VAX2: variants seen among roughly 807,000 people sequenced by gnomAD.
VAX2 encodes the protein ventral anterior homeobox 2.
VAX2 carries 8 observed loss-of-function variants against 12.5 expected under a neutral mutation model. That is an observed-to-expected ratio of 0.64 (90% CI 0.37 to 1.15). The LOEUF is 1.15. Ranked by LOEUF, VAX2 falls within the 50% of genes most tolerant of loss-of-function variation. The probability of loss-of-function intolerance (pLI) is 0.01; values close to 1 mark genes in which losing one functional copy is unlikely to be tolerated. For missense variants in VAX2, 476 were observed against 412.9 expected (o/e 1.15, Z -1.32); for synonymous variants, 183 against 187.6 (o/e 0.98, Z 0.20).
intron 2 of VAX2, among the ~76,000 whole-genome samples, chr2:70,921,618 A>G (rs1278635535): frequency 6.6e-6 from 1 of 152,024 alleles, no homozygotes; most frequent in Non-Finnish European, 1.5e-5. Flanking sequence ...GAGGAGTGAC[A>G]AGAAGGGATG....
At chr2:70,902,479 A>G (rs140392612) in intron 1 of VAX2, among the ~76,000 whole-genome samples, 16 of 152,332 alleles carry the variant, frequency 1.1e-4, no homozygotes, top group African/African-American at 3.8e-4. Context: ...CATTAAAAAT[A>G]TCTGTAGGAC....
Position 70,933,018 on chromosome 2 carries a change from C to T in VAX2, c.687C>T (p.Leu229=). Residue 229 remains leucine, a synonymous_variant, in exon 3 of 3, where the codon CTC becomes CTT. Coordinates refer to ENST00000234392, the MANE Select transcript of VAX2 (RefSeq NM_012476.3). Reference sequence around the variant, plus strand: ...ACCCCAGGAACTCCTCCCCACGCCTCAACCCGCTGTCCTCGGCCTCAGCGT... The same window carrying T: ...ACCCCAGGAACTCCTCCCCACGCCTTAACCCGCTGTCCTCGGCCTCAGCGT... ...LGDPRNSSPR[L]NPLSSASASP... 6.3e-7 allele frequency: 1 copy of T among 1,598,710 alleles called. No homozygotes were observed. The highest frequency in any genetic ancestry group is 8.5e-7 in the Non-Finnish European group (1 of 1,171,820).
intron 1 of VAX2, among the ~76,000 whole-genome samples, chr2:70,906,920 A>T (rs1279467029): frequency 2.0e-5 from 3 of 152,218 alleles, no homozygotes; most frequent in African/African-American, 7.2e-5. Context: ...GGAGGTGGTC[A>T]CTGTGCCCAC....
intron 2 of VAX2, among the ~76,000 whole-genome samples, chr2:70,931,242 C>A (rs1377750684): frequency 6.6e-6 from 1 of 152,206 alleles, no homozygotes; most frequent in Non-Finnish European, 1.5e-5. Context: ...TGCCTCCTCT[C>A]AGAGGCCCTG....
intron 2 of VAX2, among the ~76,000 whole-genome samples, chr2:70,926,696 T>TAA (rs2104783198): frequency 6.6e-6 from 1 of 152,216 alleles, no homozygotes; most frequent in East Asian, 1.9e-4. Context: ...TGCACAGTGA[T>TAA]GTCTGAGAAT....
chr2:70,926,352 A>G (rs539849352), intron 2 of VAX2, among the ~76,000 whole-genome samples: 59 of 152,274 alleles, frequency 3.9e-4, no homozygotes, highest in African/African-American at 1.3e-3. Context: ...TCTCAAGACT[A>G]TCAAAAGAAC....
At position 70,915,251 on chromosome 2, in the gene VAX2, T is replaced by G. The variant is rs571794288; in HGVS notation, c.248-5847T>G. On this transcript the variant is annotated intron_variant, in intron 1 of 2. Transcript: ENST00000234392. ...CAGCCTCCAGTTTTTTTGCTGTTTG[T>G]TTTTTGTTTTTTTTGAGACCGAGTC... 1.7e-3 allele frequency among the ~76,000 whole-genome samples: 198 copies of G among 115,050 alleles called. 1 individual carries two copies. Among genetic ancestry groups the G allele is most frequent in the African/African-American group, 7.1e-3 (194 of 27,430 alleles). The allele number at this position is 115,050 out of a possible 152,430, so 75.5% of individuals were successfully genotyped here. A position where few individuals can be genotyped will look rare whatever the true frequency, so the allele number is the denominator to read the frequency against.
In VAX2 at chr2:70,933,122, T is replaced by C; in HGVS notation, c.791T>C (p.Leu264Pro). Residue 264 changes from leucine to proline, a missense_variant, in exon 3 of 3, where the codon CTG (leucine) becomes CCG (proline). Coordinates refer to ENST00000234392, the MANE Select transcript of VAX2 (RefSeq NM_012476.3). Reference protein sequence around the residue: ...PLLDLPAGYELGSSAFEPYSW... With the variant: ...PLLDLPAGYEPGSSAFEPYSW... ...CTGGATCTGCCTGCCGGCTACGAAC[T>C]GGGTTCCTCGGCCTTCGAGCCATAC... 6.2e-7 allele frequency: 1 copy of C among 1,607,164 alleles called. No homozygotes were observed. The highest frequency in any genetic ancestry group is 8.5e-7 in the Non-Finnish European group (1 of 1,177,236).
chr2:70,912,535 G>A (rs923245394), intron 1 of VAX2, among the ~76,000 whole-genome samples: 6 of 152,072 alleles, frequency 3.9e-5, no homozygotes, highest in East Asian at 1.9e-4. Context: ...GGTGGTGGGC[G>A]CCTGTAATCC....
chr2:70,932,727 G>T (rs1553414499), intron 2 of VAX2, 40 bp from the exon 3 acceptor site: 3 of 1,365,296 alleles, frequency 2.2e-6, no homozygotes, highest in Non-Finnish European at 2.9e-6. Flanking sequence ...TGCTTTGCCT[G>T]TCCCATCTCC....
intron 1 of VAX2, among the ~76,000 whole-genome samples, chr2:70,916,404 G>GT (rs1679306055): frequency 6.6e-6 from 1 of 151,718 alleles, no homozygotes; most frequent in Non-Finnish European, 1.5e-5. Context: ...CTGTTTTTTT[G>GT]TTTTTTGTAT....
At chr2:70,928,832 T>A (rs781999267) in intron 2 of VAX2, among the ~76,000 whole-genome samples, 7 of 152,240 alleles carry the variant, frequency 4.6e-5, no homozygotes, top group Non-Finnish European at 8.8e-5. Context: ...AAATAACTAT[T>A]CACATTTCCT....
rs530582149 is a variant in VAX2 at position 70,931,589 on chromosome 2, C to A, written c.436-1178C>A. The stretch of plus-strand genomic sequence containing the variant: ...CCTACGGAATGAGGACTCTGCAAAG[C>A]CAAGGGGTCTCGCCTGCCAGAAGCC... On this transcript the variant is annotated intron_variant, in intron 2 of 2. Transcript: ENST00000234392. Among the ~76,000 whole-genome samples, 17 of 152,364 alleles carry A rather than the reference C, an allele frequency of 1.1e-4. No individual in the cohort carries two copies. The South Asian group carries it at 3.3e-3, about 30-fold the overall frequency.
chr2:70,919,990 C>T (rs1225125569), intron 1 of VAX2, among the ~76,000 whole-genome samples: 1 of 152,236 alleles, frequency 6.6e-6, no homozygotes, highest in Non-Finnish European at 1.5e-5. Flanking sequence ...GGCCGCGTTG[C>T]AAACTCCGAC....
At chr2:70,915,892 T>C (rs1273489187) in intron 1 of VAX2, among the ~76,000 whole-genome samples, 1 of 152,188 alleles carries the variant, frequency 6.6e-6, no homozygotes, top group African/African-American at 2.4e-5. Flanking sequence ...AGTCCCATCT[T>C]CATTTGTTAT....
At chr2:70,906,992 C>T (rs909691131) in intron 1 of VAX2, among the ~76,000 whole-genome samples, 5 of 152,216 alleles carry the variant, frequency 3.3e-5, no homozygotes, top group Admixed American at 6.5e-5. Flanking sequence ...AAATACTTCT[C>T]GAATAACTTA....
In VAX2 at chr2:70,900,853, C is replaced by T. The variant is rs1553409688; in HGVS notation, c.232C>T (p.Arg78Cys). 1 of 1,433,036 alleles carries T rather than the reference C, an allele frequency of 7.0e-7. No homozygotes were observed. Among genetic ancestry groups the T allele is most frequent in the South Asian group, 1.4e-5 (1 of 69,958 alleles). The allele number at this position is 1,433,036 out of a possible 1,614,324, so 88.8% of individuals were successfully genotyped here. ...GCCCGGCGAGGCAGACCACTGCCGC[C>T]GCATACTGGTGCGAGGTAAGGGGAC... The part of the protein sequence containing the change: ...PGPGEADHCR[R>C]ILVRDAKGTI... Residue 78 changes from arginine to cysteine, a missense_variant, in exon 1 of 3, where the codon CGC becomes TGC. By Grantham distance (180) the Arg-to-Cys change is radical. Transcript: ENST00000234392.
chr2:70,918,928 G>A (rs938966692), intron 1 of VAX2, among the ~76,000 whole-genome samples: 8 of 151,778 alleles, frequency 5.3e-5, no homozygotes, highest in Non-Finnish European at 1.0e-4. Context: ...ATGGAGGCGG[G>A]CGCAGTGGTT....
At chr2:70,909,674 G>C (rs1553410998) in intron 1 of VAX2, among the ~76,000 whole-genome samples, 1 of 151,988 alleles carries the variant, frequency 6.6e-6, no homozygotes, top group Non-Finnish European at 1.5e-5. Context: ...TAAACAAATT[G>C]TCTTAGCTTG....
Sources: gnomAD v4.1 joint callset for allele counts (sites outside exome capture counted in the v4.1 genomes callset) on GRCh38, gnomAD v4.1.1 for gene constraint, MANE v1.5 for transcripts, NCBI Gene and HGNC (gene_info 2026-07-23, HGNC 2026-07-21) for gene names.